The following TCF3 variants were observed in gnomAD, a reference collection of about 807,000 sequenced individuals.
TCF3 encodes the protein transcription factor E2-alpha.
Under a neutral mutation model 72.3 loss-of-function variants are expected in TCF3, and 54 were observed. The ratio of observed to expected loss-of-function variants is 0.75; its 90% CI spans 0.60 to 0.94. The LOEUF (loss-of-function observed/expected upper bound fraction) is 0.94, where lower values mean the gene tolerates loss of function less well. Ranked by LOEUF, TCF3 falls within the 40% of genes least tolerant of loss-of-function variation. The pLI, the probability that TCF3 is intolerant of heterozygous loss-of-function variation, is 0.00. For missense variants in TCF3, 1,078 were observed against 934.4 expected, an observed-to-expected ratio of 1.15 and a Z score of -2.00; for synonymous variants, 525 against 412.6, an observed-to-expected ratio of 1.27 and a Z score of -3.30.
chr19:1,623,758 A>AC lies in TCF3; in HGVS notation c.549+192dup, dbSNP rs572879668. Among the ~76,000 whole-genome samples, 347 of 152,220 alleles carry AC rather than the reference A, an allele frequency of 2.3e-3. 1 individual carries two copies. Among genetic ancestry groups the AC allele is most frequent in the African/African-American group, 7.8e-3 (325 of 41,536 alleles). The stretch of plus-strand genomic sequence containing the variant: ...TCAAAACAAGACAGACAGAGGCTGG[A>AC]CCTAGGGAAGGACTTCCCCGCCTTC... On this transcript the variant is annotated intron_variant, in intron 8 of 18. Coordinates refer to ENST00000262965, the MANE Select transcript of TCF3 (RefSeq NM_003200.5).
rs761469076 is a variant in TCF3, at chr19:1,622,202, G to T, written c.674C>A (p.Ala225Asp). ...YVADGSLHPS[A>D]ELWSPPGQAG... ...CTGGCCCGGGGGACTCCAGAGCTCG[G>T]CTGAGGGGTGCAGGCTGCCATCTGT... Residue 225 changes from alanine (A) to aspartate (D), a missense_variant, in exon 10 of 19, where the codon GCC becomes GAC. Transcript: ENST00000262965. 1.3e-6 allele frequency: 2 copies of T among 1,557,286 alleles called. No individual in the cohort carries two copies. The highest frequency in any genetic ancestry group is 1.7e-6 in the Non-Finnish European group (2 of 1,152,970).
chr19:1,631,994 A>C (rs1286057449), intron 5 of TCF3, 44 bp downstream of exon 5: 15 of 1,599,798 alleles, frequency 9.4e-6, no homozygotes, highest in South Asian at 2.3e-5. Context: ...CCACGTCTGC[A>C]CATCTGTGCA....
At chr19:1,628,537 A>G (rs868160638) in intron 5 of TCF3, among the ~76,000 whole-genome samples, 4 of 4,478 alleles carry the variant, frequency 8.9e-4, no homozygotes, top group Non-Finnish European at 9.3e-4. Context: ...CACGGGGGTG[A>G]GGCGGGAAGG....
intron 7 of TCF3, among the ~76,000 whole-genome samples, chr19:1,624,711 T>C (rs2062671715): frequency 6.6e-6 from 1 of 152,150 alleles, no homozygotes; most frequent in African/African-American, 2.4e-5. Context: ...GTGCGCACAG[T>C]GGGAAAAGTT....
At chr19:1,623,433 G>C (rs796490401) in intron 8 of TCF3, among the ~76,000 whole-genome samples, 10 of 150,934 alleles carry the variant, frequency 6.6e-5, no homozygotes, top group African/African-American at 2.0e-4. Flanking sequence ...GCTCAGGCTG[G>C]AGGGCAGCGG....
chr19:1,622,325 AGGG>A lies in TCF3; in HGVS notation c.637_639del (p.Pro213del). 6.6e-7 allele frequency: 1 copy of A among 1,516,112 alleles called. No individual in the cohort carries two copies. The highest frequency in any genetic ancestry group is 8.9e-7 in the Non-Finnish European group (1 of 1,129,370). The allele number at this position is 1,516,112 out of a possible 1,614,324, so 93.9% of individuals were successfully genotyped here. ...CCCTGCCATGTACCTGCCACGTAGAAGGGGGCGGGATAGGTGCTGCTGGGGGTC... is the reference window on the plus strand; with the variant it reads ...CCCTGCCATGTACCTGCCACGTAGAAGGCGGGATAGGTGCTGCTGGGGGTC... On this transcript the variant is annotated inframe_deletion, in exon 9 of 19. Coordinates refer to ENST00000262965, the MANE Select transcript of TCF3 (RefSeq NM_003200.5).
chr19:1,612,452 G>A, intron 18 of TCF3: 2 of 1,582,474 alleles, frequency 1.3e-6, no homozygotes, highest in Non-Finnish European at 1.7e-6. Context: ...CAGCACCGAG[G>A]CCTCTGTTAG....
At position 1,621,973 on chromosome 19, in the gene TCF3, G is replaced by T; in HGVS notation, c.823-3C>A. 1 of 1,603,824 alleles carries T rather than the reference G, an allele frequency of 6.2e-7. No individual in the cohort carries two copies. The highest frequency in any genetic ancestry group is 8.5e-7 in the Non-Finnish European group (1 of 1,175,584). ...TCTGCTCCATGCAGCTGGTAGCCCTGGGGGGTCAGGCAGGAGGAGGGTGGG... is the reference window on the plus strand; with the variant it reads ...TCTGCTCCATGCAGCTGGTAGCCCTTGGGGGTCAGGCAGGAGGAGGGTGGG... On this transcript the variant is annotated splice_region_variant and splice_polypyrimidine_tract_variant and intron_variant, in intron 10 of 18. Transcript: ENST00000262965.
intron 3 of TCF3, among the ~76,000 whole-genome samples, chr19:1,637,651 T>C (rs1427105151): frequency 6.6e-6 from 1 of 152,234 alleles, no homozygotes; most frequent in Non-Finnish European, 1.5e-5. Context: ...GGCTCACGCC[T>C]GTAATCCCAG....
chr19:1,621,750 C>T, intron 11 of TCF3, 88 bp downstream of exon 11: 1 of 1,441,716 alleles, frequency 6.9e-7, no homozygotes, highest in Non-Finnish European at 9.1e-7. Flanking sequence ...GCCTGCGCCT[C>T]CCGTGGAGTC....
At position 1,640,697 on chromosome 19, in the gene TCF3, A is replaced by C. The variant is rs190610191; in HGVS notation, c.145+5658T>G. Among the ~76,000 whole-genome samples, 7 of 152,110 alleles carry C rather than the reference A, an allele frequency of 4.6e-5. No homozygotes were observed. In the East Asian group the frequency reaches 1.2e-3, roughly 25 times the overall value. On this transcript the variant is annotated intron_variant, in intron 3 of 18. Transcript: ENST00000262965. ...GCCGGCACCTGTAGTCCCAGCTACT[A>C]GGGAGGCTAGGCAGGAGAATGGCGT...
intron 6 of TCF3, among the ~76,000 whole-genome samples, chr19:1,626,932 GCTGCATGGGACCC>G (rs1568402976): frequency 1.3e-5 from 2 of 152,234 alleles, no homozygotes; most frequent in African/African-American, 4.8e-5. Context: ...AGCACCGGAG[GCTGCATGGGACCC>G]CTGTGGCTGG....
chr19:1,624,495 C>T (rs577715570), intron 7 of TCF3, among the ~76,000 whole-genome samples: 3 of 152,340 alleles, frequency 2.0e-5, no homozygotes, highest in African/African-American at 4.8e-5. Context: ...TCCCGCGACG[C>T]GCAGTTTGGA....
intron 3 of TCF3, among the ~76,000 whole-genome samples, chr19:1,636,917 G>A (rs1160348512): frequency 2.6e-5 from 4 of 152,200 alleles, no homozygotes; most frequent in Admixed American, 2.6e-4. Flanking sequence ...ACCTGAGGCT[G>A]AAGAGAATGT....
chr19:1,623,001 C>T (rs181067698), intron 8 of TCF3, among the ~76,000 whole-genome samples: 113 of 152,096 alleles, frequency 7.4e-4, no homozygotes, highest in Non-Finnish European at 9.6e-4. Flanking sequence ...AACTGGGGGG[C>T]GGTTTCAGGG....
intron 6 of TCF3, among the ~76,000 whole-genome samples, chr19:1,626,123 C>A (rs140803623): frequency 6.6e-6 from 1 of 152,220 alleles, no homozygotes; most frequent in African/African-American, 2.4e-5. Flanking sequence ...CCAGGGCTGC[C>A]CTGAGCCGGG....
At chr19:1,632,543 CCGACT>C in intron 3 of TCF3, 138 bp from the exon 4 acceptor site, 1 of 816,380 alleles carries the variant, frequency 1.2e-6, no homozygotes, top group South Asian at 1.7e-5. Context: ...CTCACCCAGC[CCGACT>C]CATGAGGACA....
chr19:1,614,204 C>T lies in TCF3; in HGVS notation c.1822+1081G>A, dbSNP rs946203972. The stretch of plus-strand genomic sequence containing the variant: ...TCTAGGGGGCTGCCTCACCCACTTG[C>T]CTGCCCACCCTGCCTTAGGGGCCTG... On this transcript the variant is annotated intron_variant, in intron 18 of 18. Transcript: ENST00000262965. The surrounding 1 kb of genome is among the most constrained non-coding windows in gnomAD (Gnocchi z 5.6). Among the ~76,000 whole-genome samples, 4 of 152,212 alleles carry T rather than the reference C, an allele frequency of 2.6e-5. No individual in the cohort carries two copies. Among genetic ancestry groups the T allele is most frequent in the African/African-American group, 4.8e-5 (2 of 41,452 alleles).
In TCF3 at chr19:1,622,200, C is replaced by T. The variant is rs772391257; in HGVS notation, c.676G>A (p.Glu226Lys). Residue 226 changes from glutamate to lysine, a missense_variant, in exon 10 of 19, where the codon GAG becomes AAG. Coordinates refer to ENST00000262965, the MANE Select transcript of TCF3 (RefSeq NM_003200.5). ...VADGSLHPSA[E>K]LWSPPGQAGF... ...GCCTGGCCCGGGGGACTCCAGAGCT[C>T]GGCTGAGGGGTGCAGGCTGCCATCT... 7 of 1,559,054 alleles carry T rather than the reference C, an allele frequency of 4.5e-6. No homozygotes were observed. Among genetic ancestry groups the T allele is most frequent in the African/African-American group, 2.7e-5 (2 of 73,868 alleles).
Sources: allele counts gnomAD v4.1 joint callset (sites outside exome capture counted in the v4.1 genomes callset), GRCh38; gene constraint gnomAD v4.1.1; non-coding constraint Gnocchi (gnomAD v3.1); transcripts MANE v1.5; gene names NCBI Gene and HGNC (gene_info 2026-07-23, HGNC 2026-07-21).